ADHFE1: variants seen among roughly 807,000 people sequenced by gnomAD.
ADHFE1 encodes the protein alcohol dehydrogenase iron containing 1.
Under a neutral mutation model 54.8 loss-of-function variants are expected in ADHFE1, and 37 were observed. The ratio of observed to expected loss-of-function variants is 0.68; its 90% CI spans 0.52 to 0.89. The LOEUF (loss-of-function observed/expected upper bound fraction) is 0.89. Ranked by LOEUF, ADHFE1 falls within the 40% of genes least tolerant of loss-of-function variation. The pLI is 0.00. For synonymous variants in ADHFE1, 203 were observed against 229.3 expected, an observed-to-expected ratio of 0.89 and a Z score of 1.04; for missense variants, 601 against 591.2, an observed-to-expected ratio of 1.02 and a Z score of -0.17.
Position 66,460,460 on chromosome 8 carries a change from C to A in ADHFE1, c.1315C>A (p.Pro439Thr). 6.3e-7 allele frequency: 1 copy of A among 1,579,294 alleles called. No homozygotes were observed. Among genetic ancestry groups the A allele is most frequent in the Non-Finnish European group, 8.6e-7 (1 of 1,156,302 alleles). ...CCCCGCACTAGTGAAAGGAACGCTG[C>A]CCCAGGTAAGAGACCGGCAGGCTCC... ...DIPALVKGTL[P>T]QERVTKLAPC... The change falls in exon 13 of 14, where the codon CCC (proline) becomes ACC (threonine). Residue 439 changes from proline to threonine, a missense_variant. Pro to Thr is a conservative substitution (Grantham distance 38, BLOSUM62 -1). Transcript: ENST00000396623.
At chr8:66,452,524 C>A (rs1387068484) in intron 9 of ADHFE1, among the ~76,000 whole-genome samples, 2 of 152,212 alleles carry the variant, frequency 1.3e-5, no homozygotes, top group African/African-American at 4.8e-5. Context: ...CACAATGGCT[C>A]ACACCAGTAA....
intron 13 of ADHFE1, 86 bp downstream of exon 13, chr8:66,460,551 G>C (rs1806842454): frequency 6.8e-7 from 1 of 1,479,580 alleles, no homozygotes; most frequent in Non-Finnish European, 9.0e-7. Flanking sequence ...GGCTAGCAGG[G>C]ATGGAAACCA....
intron 6 of ADHFE1, among the ~76,000 whole-genome samples, chr8:66,446,958 A>G (rs567223365): frequency 6.6e-6 from 1 of 152,386 alleles, no homozygotes; most frequent in South Asian, 2.1e-4. Context: ...ACATACATGC[A>G]TGCCAATATA....
chr8:66,453,928 C>G, intron 9 of ADHFE1, 131 bp from the exon 10 acceptor site: 1 of 1,508,370 alleles, frequency 6.6e-7, no homozygotes. Flanking sequence ...GTTTGAATAA[C>G]TTGCCTGATT....
In ADHFE1 at chr8:66,440,210, T is replaced by C. The variant is rs536791535; in HGVS notation, c.97+11T>C. ...ATACTTACTCCCAAGGTAATACTTC[T>C]GTATTTTTAAACTAGCCACAATTTT... On this transcript the variant is annotated intron_variant, in intron 2 of 13. Coordinates refer to ENST00000396623, the MANE Select transcript of ADHFE1 (RefSeq NM_144650.3). The C allele has an allele frequency of 2.5e-6, 4 of 1,607,906 alleles. No homozygotes were observed. In the African/African-American group the frequency reaches 4.0e-5, roughly 16 times the overall value.
intron 12 of ADHFE1, among the ~76,000 whole-genome samples, chr8:66,457,744 T>C (rs1435519767): frequency 7.3e-6 from 1 of 136,878 alleles, no homozygotes; most frequent in East Asian, 2.0e-4. Flanking sequence ...AATTCTGTCA[T>C]TATTATGTTT....
At chr8:66,457,267 C>G (rs1806635632) in intron 12 of ADHFE1, 101 bp downstream of exon 12, 1 of 1,105,608 alleles carries the variant, frequency 9.0e-7, no homozygotes, top group East Asian at 2.4e-5. Flanking sequence ...TCACTTGAGC[C>G]CAGGAGTTCA....
intron 7 of ADHFE1, among the ~76,000 whole-genome samples, chr8:66,447,610 A>G (rs1045436521): frequency 2.0e-5 from 3 of 152,226 alleles, no homozygotes; most frequent in African/African-American, 7.2e-5. Context: ...GTATGTAACC[A>G]ATACTCACAT....
intron 11 of ADHFE1, 23 bp from the exon 12 acceptor site, chr8:66,457,047 C>A: frequency 6.2e-7 from 1 of 1,605,718 alleles, no homozygotes; most frequent in South Asian, 1.1e-5. Flanking sequence ...ATCTGCCGGT[C>A]ACCGCATTTC....
intron 2 of ADHFE1, among the ~76,000 whole-genome samples, chr8:66,440,726 A>C (rs1342362164): frequency 6.6e-6 from 1 of 152,230 alleles, no homozygotes; most frequent in Non-Finnish European, 1.5e-5. Flanking sequence ...ACCAAACACC[A>C]AACACTGTGG....
rs112412411 is a variant in ADHFE1, at chr8:66,452,081, G to A, written c.863G>A (p.Arg288Gln). 17 of 1,614,114 alleles carry A rather than the reference G, an allele frequency of 1.1e-5. No individual in the cohort carries two copies. Among genetic ancestry groups the A allele is most frequent in the Middle Eastern group, 1.7e-4 (1 of 6,060 alleles). Residue 288 changes from arginine (R) to glutamine (Q), a missense_variant, in exon 9 of 14, where the codon CGG becomes CAG. Transcript: ENST00000396623. ...ISDIWAIHAL[R>Q]IVAKYLKRAV... is the part of the protein sequence containing the mutation. ...GACATTTGGGCTATCCACGCGCTGC[G>A]GATCGTGGCTAAGTATCTGAAGAGG...
Position 66,439,056 on chromosome 8 carries a change from G to A in ADHFE1, c.60-1106G>A, listed in dbSNP as rs1223367067. Among the ~76,000 whole-genome samples the A allele has an allele frequency of 6.7e-6, 1 of 150,176 alleles. No individual in the cohort carries two copies. Among genetic ancestry groups the A allele is most frequent in the Non-Finnish European group, 1.5e-5 (1 of 67,034 alleles). On this transcript the variant is annotated intron_variant, in intron 1 of 13. Transcript: ENST00000396623. This position sits in a 1 kb window ranked among gnomAD's most constrained non-coding sequence, Gnocchi z 4.4. ...AAGGGACAAGCCTGGCCTGGCCCGC[G>A]TCCTCTCCCCCGGCGCGCGCGTCGG...
At chr8:66,467,941 G>T (rs1013128648) in intron 13 of ADHFE1, among the ~76,000 whole-genome samples, 41 of 152,214 alleles carry the variant, frequency 2.7e-4, no homozygotes, top group African/African-American at 9.6e-4. Context: ...AGCTCTGTGT[G>T]TACAGAGAAC....
rs1488551252 is a variant in ADHFE1 at position 66,439,536 on chromosome 8, A to G, written c.60-626A>G. The G allele has an allele frequency of 2.0e-6, 2 of 985,462 alleles. No individual in the cohort carries two copies. Among genetic ancestry groups the G allele is most frequent in the East Asian group, 1.1e-4 (1 of 8,818 alleles). The allele number at this position is 985,462 out of a possible 1,614,324, so 61.0% of individuals were successfully genotyped here. A position where few individuals can be genotyped will look rare whatever the true frequency, so the allele number is the denominator to read the frequency against. ...AGATGCGGTGGCGACCTCGGAGCGC[A>G]CCGGGTGTGCGCGCAGCTGGGGCCT... On this transcript the variant is annotated intron_variant, in intron 1 of 13. Transcript: ENST00000396623. This position sits in a 1 kb window ranked among gnomAD's most constrained non-coding sequence, Gnocchi z 4.4.
intron 12 of ADHFE1, 132 bp from the exon 13 acceptor site, chr8:66,460,176 C>A: frequency 1.7e-6 from 2 of 1,188,302 alleles, no homozygotes; most frequent in South Asian, 1.5e-5. Context: ...TGGGGAGGCA[C>A]ACGATGGCCC....
intron 2 of ADHFE1, 139 bp from the exon 3 acceptor site, chr8:66,442,659 C>G (rs1011296775): frequency 1.4e-6 from 1 of 738,588 alleles, no homozygotes; most frequent in Non-Finnish European, 2.2e-6. Context: ...ATTTGATGTG[C>G]AACAGTGAAA....
intron 2 of ADHFE1, among the ~76,000 whole-genome samples, chr8:66,440,401 TG>T (rs1805689257): frequency 6.6e-6 from 1 of 152,238 alleles, no homozygotes; most frequent in Non-Finnish European, 1.5e-5. Flanking sequence ...CGTGTTTGTT[TG>T]TCTCAAATAT....
Position 66,439,477 on chromosome 8 carries a change from G to A in ADHFE1, c.60-685G>A. 1 of 986,148 alleles carries A rather than the reference G, an allele frequency of 1.0e-6. No homozygotes were observed. The highest frequency in any genetic ancestry group is 1.2e-6 in the Non-Finnish European group (1 of 830,378). 61.1% of individuals were successfully genotyped at this position (986,148 alleles called of 1,614,324 possible). On this transcript the variant is annotated intron_variant, in intron 1 of 13. Transcript: ENST00000396623. This position sits in a 1 kb window ranked among gnomAD's most constrained non-coding sequence, Gnocchi z 4.4. ...AGGGAGGGTTTCCAAAAAGGAGGAC[G>A]TGGGAAATCTGTAGAGAAGTCGACC...
chr8:66,447,046 C>T (rs538889401), intron 6 of ADHFE1, among the ~76,000 whole-genome samples: 1 of 152,294 alleles, frequency 6.6e-6, no homozygotes, highest in African/African-American at 2.4e-5. Flanking sequence ...ATAACACAGA[C>T]ACTGACATCC....
Sources: allele counts gnomAD v4.1 joint callset (sites outside exome capture counted in the v4.1 genomes callset), GRCh38; gene constraint gnomAD v4.1.1; non-coding constraint Gnocchi (gnomAD v3.1); transcripts MANE v1.5; gene names NCBI Gene and HGNC (gene_info 2026-07-23, HGNC 2026-07-21).